The following C2 variants were observed in gnomAD, a reference collection of about 807,000 sequenced individuals.
C2 encodes C3/C5 convertase.
A neutral mutation model predicts 85.2 loss-of-function variants in C2; 64 were observed. That is an observed-to-expected ratio of 0.75 (90% CI 0.61 to 0.92). C2 has a LOEUF of 0.92. Ranked by LOEUF, C2 falls within the 40% of genes least tolerant of loss-of-function variation. C2 has a pLI of 0.00. For missense variants in C2, 820 were observed against 971.6 expected (o/e 0.84, Z 2.07); for synonymous variants, 311 against 370.8 (o/e 0.84, Z 1.85).
upstream of C2, among the ~76,000 whole-genome samples, chr6:31,916,869 C>CAAAAAA (rs9257073): frequency 1.9e-4 from 15 of 78,842 alleles, 1 homozygote; most frequent in South Asian, 4.9e-4. Context: ...TCCATCTCAA[C>CAAAAAA]AAAAAAAAAA....
In C2 at chr6:31,932,025, TG is replaced by T. The variant is rs869190938; in HGVS notation, c.443-1583del. ...CCACCTCCCTCCCGGACAGAGTGGC[TG>T]GCCGGGCAGAGGGGCTCCTCACTTC... is the stretch of plus-strand genomic sequence containing the variant. On this transcript the variant is annotated intron_variant, in intron 3 of 17. Coordinates refer to ENST00000299367, the MANE Select transcript of C2 (RefSeq NM_000063.6). 3.6e-5 allele frequency among the ~76,000 whole-genome samples: 5 copies of T among 138,154 alleles called. No homozygotes were observed. The East Asian group carries it at 1.1e-3, about 30-fold the overall frequency. 90.6% of individuals were successfully genotyped at this position (138,154 alleles called of 152,430 possible). A position where few individuals can be genotyped will look rare whatever the true frequency, so the allele number is the denominator to read the frequency against.
chr6:31,903,545 G>T (rs1767523379), intron 1 of C2, among the ~76,000 whole-genome samples: 1 of 152,034 alleles, frequency 6.6e-6, no homozygotes. Flanking sequence ...CAGGAGAATC[G>T]CTTGAACCTG....
intron 1 of C2, chr6:31,901,307 G>C: frequency 6.2e-7 from 1 of 1,603,742 alleles, no homozygotes; most frequent in Non-Finnish European, 8.5e-7. Flanking sequence ...AGAGGCCATT[G>C]TGGCGGGGGT....
intron 1 of C2, among the ~76,000 whole-genome samples, chr6:31,914,739 C>T (rs1409963748): frequency 6.6e-6 from 1 of 151,742 alleles, no homozygotes; most frequent in Non-Finnish European, 1.5e-5. Context: ...GGTGAAACCC[C>T]GTCTCTACTA....
upstream of C2, among the ~76,000 whole-genome samples, chr6:31,918,769 G>A (rs1279545311): frequency 4.0e-5 from 6 of 150,938 alleles, no homozygotes; most frequent in African/African-American, 7.3e-5. Context: ...GTGTAGTGGC[G>A]GGCACCTGTA....
chr6:31,917,778 C>T (rs1218947750), upstream of C2, among the ~76,000 whole-genome samples: 1 of 151,604 alleles, frequency 6.6e-6, no homozygotes, highest in African/African-American at 2.4e-5. Flanking sequence ...TGGTGTCAGC[C>T]GTTTGTAATC....
At chr6:31,939,421 T>C in intron 9 of C2, 101 bp downstream of exon 9, 4 of 946,092 alleles carry the variant, frequency 4.2e-6, no homozygotes, top group South Asian at 1.3e-5. Context: ...CAGAGCCACA[T>C]GGTTTTATTT....
upstream of C2, among the ~76,000 whole-genome samples, chr6:31,918,066 C>T (rs538185475): frequency 4.6e-5 from 7 of 152,034 alleles, no homozygotes; most frequent in African/African-American, 1.4e-4. Context: ...TTGCTTGAGG[C>T]TAGTTCAAGA....
chr6:31,936,027 G>C lies in C2; in HGVS notation c.954G>C (p.Glu318Asp), dbSNP rs9332739. The C allele has an allele frequency of 0.042, 67,705 of 1,612,940 alleles. 1,540 individuals are homozygous for C. Among genetic ancestry groups the C allele is most frequent in the South Asian group, 0.052 (4,761 of 91,076 alleles). ...ACGACAACTCCCGGGATATGACTGAGGTGATCAGCAGCCTGGAAAATGCCA... is the reference window on the plus strand; with the variant it reads ...ACGACAACTCCCGGGATATGACTGACGTGATCAGCAGCCTGGAAAATGCCA... ...VLNDNSRDMT[E>D]VISSLENANY... The change falls in exon 7 of 18, where the codon GAG becomes GAC. Residue 318 changes from glutamate (E) to aspartate (D), a missense_variant. Physicochemically the swap from Glu to Asp is conservative, Grantham distance 45 (BLOSUM62 2). Transcript: ENST00000299367.
intron 3 of C2, among the ~76,000 whole-genome samples, chr6:31,931,967 C>A (rs1380750805): frequency 7.2e-6 from 1 of 138,414 alleles, no homozygotes; most frequent in African/African-American, 2.6e-5. Flanking sequence ...CCCTCCCGGA[C>A]GGGGCGGCTG....
At position 31,935,901 on chromosome 6, in the gene C2, G is replaced by A; in HGVS notation, c.850-22G>A. On this transcript the variant is annotated intron_variant, in intron 6 of 17. Coordinates refer to ENST00000299367, the MANE Select transcript of C2 (RefSeq NM_000063.6). The surrounding 1 kb of genome is among the most constrained non-coding windows in gnomAD (Gnocchi z 4.3). Reference sequence around the variant, plus strand: ...CTTTGGCTTCAGGGCCCTTTACGCTGCCTCTCACTTGCCCCGCACAGATCT... The same window carrying A: ...CTTTGGCTTCAGGGCCCTTTACGCTACCTCTCACTTGCCCCGCACAGATCT... The A allele has an allele frequency of 6.2e-7, 1 of 1,612,500 alleles. No homozygotes were observed. The highest frequency in any genetic ancestry group is 1.1e-5 in the South Asian group (1 of 91,076).
At chr6:31,932,008 C>G (rs1562591317) in intron 3 of C2, among the ~76,000 whole-genome samples, 1 of 143,796 alleles carries the variant, frequency 7.0e-6, no homozygotes, top group Non-Finnish European at 1.6e-5. Flanking sequence ...CCCCACCTCC[C>G]TCCCGGACAG....
Position 31,927,984 on chromosome 6 carries a change from C to T in C2, c.76C>T (p.Gln26Ter). 6.2e-7 allele frequency: 1 copy of T among 1,614,202 alleles called. No individual in the cohort carries two copies. Residue 26 changes from glutamine to a stop codon, truncating the protein, a stop_gained, in exon 2 of 18, where the codon CAG becomes TAG. Coordinates refer to ENST00000299367, the MANE Select transcript of C2 (RefSeq NM_000063.6). LOFTEE classifies it high-confidence loss of function. The surrounding 1 kb of genome is among the most constrained non-coding windows in gnomAD (Gnocchi z 4.7). ...GLADSAPSCP[Q>*]NVNISGGTFT... ...GGCAGACTCGGCTCCCTCCTGCCCTCAGAACGTGAATATCTCGGGTGGCAC... is the reference window on the plus strand; with the variant it reads ...GGCAGACTCGGCTCCCTCCTGCCCTTAGAACGTGAATATCTCGGGTGGCAC...
chr6:31,936,219 G>C (rs754004104), intron 7 of C2, 158 bp downstream of exon 7: 69 of 745,754 alleles, frequency 9.3e-5, no homozygotes, highest in Non-Finnish European at 1.5e-4. Flanking sequence ...GGTTATGGTG[G>C]GGGAGTCCAG....
At chr6:31,926,562 G>A (rs1041643290), upstream of C2, among the ~76,000 whole-genome samples, 1 of 151,896 alleles carries the variant, frequency 6.6e-6, no homozygotes, top group Non-Finnish European at 1.5e-5. Flanking sequence ...TCAAATTCCT[G>A]ACCTCATGAT....
At position 31,943,750 on chromosome 6, in the gene C2, T is replaced by G; in HGVS notation, c.1674T>G (p.Tyr558Ter). The part of the protein sequence containing the change: ...AKKNQGILEF[Y>*]GDDIALLKLA... ...AGAACCAGGGAATCCTGGAGTTCTA[T>G]GGTGATGACATAGCTCTGCTGAAGC... The change falls in exon 13 of 18, where the codon TAT becomes TAG. Residue 558 changes from tyrosine to a stop codon, truncating the protein, a stop_gained. Coordinates refer to ENST00000299367, the MANE Select transcript of C2 (RefSeq NM_000063.6). LOFTEE classifies it high-confidence loss of function. The surrounding 1 kb of genome is among the most constrained non-coding windows in gnomAD (Gnocchi z 6.4). The G allele has an allele frequency of 1.2e-6, 2 of 1,613,084 alleles. No homozygotes were observed. Among genetic ancestry groups the G allele is most frequent in the Non-Finnish European group, 1.7e-6 (2 of 1,180,036 alleles).
At chr6:31,916,121 GA>G (rs1405634215), upstream of C2, among the ~76,000 whole-genome samples, 4 of 152,202 alleles carry the variant, frequency 2.6e-5, no homozygotes, top group African/African-American at 9.6e-5. Flanking sequence ...GAGGAGGATG[GA>G]AAGGGATGAT....
Position 31,945,431 on chromosome 6 carries a change from CT to C in C2, c.*76del. 1.5e-6 allele frequency: 2 copies of C among 1,369,772 alleles called. No individual in the cohort carries two copies. Among genetic ancestry groups the C allele is most frequent in the Non-Finnish European group, 2.1e-6 (2 of 965,360 alleles). The allele number at this position is 1,369,772 out of a possible 1,614,324, so 84.9% of individuals were successfully genotyped here. On this transcript the variant is annotated 3_prime_UTR_variant, in exon 18 of 18. Coordinates refer to ENST00000299367, the MANE Select transcript of C2 (RefSeq NM_000063.6). The surrounding 1 kb of genome is among the most constrained non-coding windows in gnomAD (Gnocchi z 5.3). ...CATCTTCTACCTCTGAATGGCCACC[CT>C]TAGACCCTGTGATCCATCCTCTCTC...
In C2 at chr6:31,945,450, C is replaced by T; in HGVS notation, c.*93C>T. 1 of 1,208,246 alleles carries T rather than the reference C, an allele frequency of 8.3e-7. No homozygotes were observed. Among genetic ancestry groups the T allele is most frequent in the Non-Finnish European group, 1.2e-6 (1 of 822,894 alleles). The allele number at this position is 1,208,246 out of a possible 1,614,324, so 74.8% of individuals were successfully genotyped here. ...GCCACCCTTAGACCCTGTGATCCATCCTCTCTCCTAGCTGAGTAAATCCGG... is the reference window on the plus strand; with the variant it reads ...GCCACCCTTAGACCCTGTGATCCATTCTCTCTCCTAGCTGAGTAAATCCGG... On this transcript the variant is annotated 3_prime_UTR_variant, in exon 18 of 18. Transcript: ENST00000299367. This position sits in a 1 kb window ranked among gnomAD's most constrained non-coding sequence, Gnocchi z 5.3.
Sources: allele counts gnomAD v4.1 joint callset (sites outside exome capture counted in the v4.1 genomes callset), GRCh38; gene constraint gnomAD v4.1.1; non-coding constraint Gnocchi (gnomAD v3.1); transcripts MANE v1.5; gene names NCBI Gene and HGNC (gene_info 2026-07-23, HGNC 2026-07-21).